GREM2: variants seen among roughly 807,000 people sequenced by gnomAD.
GREM2 encodes gremlin 2, DAN family BMP antagonist, also known as gremlin-2.
A neutral mutation model predicts 14.2 loss-of-function variants in GREM2; 11 were observed. The ratio of observed to expected loss-of-function variants is 0.78; its 90% CI spans 0.49 to 1.28. GREM2 has a LOEUF of 1.28. Ranked by LOEUF, GREM2 falls within the 50% of genes most tolerant of loss-of-function variation. The pLI is 0.00. For missense variants in GREM2, 210 were observed against 218.5 expected (o/e 0.96, Z 0.24); for synonymous variants, 98 against 97.6 (o/e 1.00, Z -0.02).
At chr1:240,510,110 C>T (rs954375358) in intron 1 of GREM2, among the ~76,000 whole-genome samples, 4 of 152,094 alleles carry the variant, frequency 2.6e-5, no homozygotes, top group African/African-American at 9.7e-5. Flanking sequence ...TGGCTCACGC[C>T]TGTAATCCCA....
intron 1 of GREM2, among the ~76,000 whole-genome samples, chr1:240,521,549 C>G (rs761504035): frequency 6.6e-6 from 1 of 151,550 alleles, no homozygotes; most frequent in Admixed American, 6.6e-5. Flanking sequence ...CCAGCCTGGG[C>G]GACAGTGTGA....
At chr1:240,585,017 G>A (rs983609783) in intron 1 of GREM2, among the ~76,000 whole-genome samples, 3 of 152,214 alleles carry the variant, frequency 2.0e-5, no homozygotes, top group South Asian at 2.1e-4. Context: ...TTACTAGAGA[G>A]AAGATGACAT....
chr1:240,521,989 A>T (rs1214356401), intron 1 of GREM2, among the ~76,000 whole-genome samples: 2 of 151,198 alleles, frequency 1.3e-5, no homozygotes, highest in Non-Finnish European at 1.5e-5. Flanking sequence ...GCATGGTGGC[A>T]CACACCTGTA....
intron 1 of GREM2, among the ~76,000 whole-genome samples, chr1:240,570,882 G>C (rs1011029099): frequency 7.9e-5 from 12 of 152,166 alleles, no homozygotes; most frequent in African/African-American, 2.9e-4. Context: ...ACTGAGCTTA[G>C]TGCTGCTTAC....
At chr1:240,601,230 G>T (rs184395106) in intron 1 of GREM2, among the ~76,000 whole-genome samples, 4 of 152,150 alleles carry the variant, frequency 2.6e-5, no homozygotes, top group Admixed American at 1.3e-4. Context: ...GTAAGACAGC[G>T]CTATACAACT....
chr1:240,599,946 C>T (rs1679890257), intron 1 of GREM2, among the ~76,000 whole-genome samples: 1 of 152,084 alleles, frequency 6.6e-6, no homozygotes, highest in African/African-American at 2.4e-5. Flanking sequence ...ATATGAAATC[C>T]TTCTATTGCC....
chr1:240,504,214 T>C (rs974283017), intron 1 of GREM2, among the ~76,000 whole-genome samples: 2 of 152,218 alleles, frequency 1.3e-5, no homozygotes, highest in African/African-American at 4.8e-5. Context: ...TCAGTACTAA[T>C]AATTTTTGCA....
chr1:240,562,578 G>A (rs1679061188), intron 1 of GREM2, among the ~76,000 whole-genome samples: 2 of 152,160 alleles, frequency 1.3e-5, no homozygotes, highest in South Asian at 4.1e-4. Context: ...TTCTTTGTGG[G>A]AAAGACACCA....
At chr1:240,592,459 T>C (rs1679732281) in intron 1 of GREM2, among the ~76,000 whole-genome samples, 2 of 152,192 alleles carry the variant, frequency 1.3e-5, no homozygotes, top group African/African-American at 4.8e-5. Context: ...TTAGTTATCT[T>C]CAGAATTCAC....
chr1:240,600,107 A>G (rs1679893447), intron 1 of GREM2, among the ~76,000 whole-genome samples: 2 of 152,180 alleles, frequency 1.3e-5, no homozygotes, highest in South Asian at 4.1e-4. Context: ...GTGTAGTAGA[A>G]AGAAGGGTAG....
At chr1:240,580,676 G>A (rs776602999) in intron 1 of GREM2, among the ~76,000 whole-genome samples, 58 of 152,288 alleles carry the variant, frequency 3.8e-4, no homozygotes, top group Non-Finnish European at 6.6e-4. Flanking sequence ...CTGGGCTCAA[G>A]CAATCCTCCT....
intron 1 of GREM2, among the ~76,000 whole-genome samples, chr1:240,601,080 C>A (rs1679913563): frequency 6.6e-6 from 1 of 152,194 alleles, no homozygotes; most frequent in Non-Finnish European, 1.5e-5. Flanking sequence ...CTTCCAGCAA[C>A]CTTCACAGAA....
intron 1 of GREM2, among the ~76,000 whole-genome samples, chr1:240,578,122 T>A (rs1358925919): frequency 1.3e-5 from 2 of 152,144 alleles, no homozygotes; most frequent in Non-Finnish European, 2.9e-5. Flanking sequence ...CTTTGTAAGA[T>A]CAAATTTTTT....
At chr1:240,516,091 T>A (rs971612821) in intron 1 of GREM2, among the ~76,000 whole-genome samples, 2 of 151,874 alleles carry the variant, frequency 1.3e-5, no homozygotes, top group South Asian at 4.2e-4. Context: ...GAAGTTTGGT[T>A]TGGAATCAAG....
At chr1:240,549,166 T>A (rs1678795474) in intron 1 of GREM2, among the ~76,000 whole-genome samples, 2 of 152,006 alleles carry the variant, frequency 1.3e-5, no homozygotes, top group Non-Finnish European at 2.9e-5. Context: ...AGAAACCCCA[T>A]CTCTACTAAA....
rs570547385 is a variant in GREM2, at chr1:240,560,974, C to T, written c.-2+50910G>A. On this transcript the variant is annotated intron_variant, in intron 1 of 1. Coordinates refer to ENST00000318160, the MANE Select transcript of GREM2 (RefSeq NM_022469.4). Reference sequence around the variant, plus strand: ...TTCCATGATGTAACTCCTGGTGACCCAACCCCTAGTGATATATCCCATTTC... The same window carrying T: ...TTCCATGATGTAACTCCTGGTGACCTAACCCCTAGTGATATATCCCATTTC... Among the ~76,000 whole-genome samples the T allele has an allele frequency of 9.8e-4, 149 of 152,266 alleles. 1 individual carries two copies. Among genetic ancestry groups the T allele is most frequent in the African/African-American group, 3.5e-3 (144 of 41,566 alleles).
chr1:240,522,624 AACATTGACTTAC>A (rs1207008403), intron 1 of GREM2, among the ~76,000 whole-genome samples: 1 of 152,190 alleles, frequency 6.6e-6, no homozygotes, highest in African/African-American at 2.4e-5. Flanking sequence ...CCCCTGAGAA[AACATTGACTTAC>A]ACATTTGTTA....
At position 240,493,138 on chromosome 1, in the gene GREM2, T is replaced by C; in HGVS notation, c.338A>G (p.Glu113Gly). ...GGCGCAGGACTGGAAGGACTCCTCC[T>C]CCTTCTTCACGTGCCGCGGGATGTA... ...SFYIPRHVKK[E>G]EESFQSCAFC... is the part of the protein sequence containing the mutation. Residue 113 changes from glutamate (E) to glycine (G), a missense_variant, in exon 2 of 2, where the codon GAG becomes GGG. Coordinates refer to ENST00000318160, the MANE Select transcript of GREM2 (RefSeq NM_022469.4). The C allele has an allele frequency of 6.2e-7, 1 of 1,614,174 alleles. No homozygotes were observed. Among genetic ancestry groups the C allele is most frequent in the South Asian group, 1.1e-5 (1 of 91,090 alleles).
chr1:240,544,943 A>G (rs1183473280), intron 1 of GREM2, among the ~76,000 whole-genome samples: 2 of 152,250 alleles, frequency 1.3e-5, no homozygotes, highest in African/African-American at 2.4e-5. Flanking sequence ...AAGAGAAAAA[A>G]TAAGATCAAA....
Sources: gnomAD v4.1 joint callset for allele counts (sites outside exome capture counted in the v4.1 genomes callset) on GRCh38, gnomAD v4.1.1 for gene constraint, MANE v1.5 for transcripts, NCBI Gene and HGNC (gene_info 2026-07-23, HGNC 2026-07-21) for gene names.